Variants in SNTG1 observed in about 807,000 individuals in gnomAD.
SNTG1 encodes the protein syntrophin gamma 1.
SNTG1 carries 39 observed loss-of-function variants against 74.7 expected under a neutral mutation model. The ratio of observed to expected loss-of-function variants is 0.52; its 90% confidence interval spans 0.40 to 0.68. SNTG1 has a LOEUF of 0.68. Ranked by LOEUF, SNTG1 falls within the 30% of genes least tolerant of loss-of-function variation. SNTG1 has a pLI of 0.00. For synonymous variants in SNTG1, 254 were observed against 217.1 expected, an observed-to-expected ratio of 1.17 and a Z score of -1.49; for missense variants, 685 against 609.5, an observed-to-expected ratio of 1.12 and a Z score of -1.30.
chr8:49,986,623 A>G (rs1813178037), intron 1 of SNTG1, among the ~76,000 whole-genome samples: 1 of 151,896 alleles, frequency 6.6e-6, no homozygotes, highest in South Asian at 2.1e-4. Flanking sequence ...CTGTAATCCC[A>G]GCACTTTTGG....
At chr8:50,602,372 G>T (rs1199238608) in intron 13 of SNTG1, among the ~76,000 whole-genome samples, 1 of 152,110 alleles carries the variant, frequency 6.6e-6, no homozygotes, top group South Asian at 2.1e-4. Flanking sequence ...AAAAATTGTT[G>T]CATAAACCAA....
intron 13 of SNTG1, among the ~76,000 whole-genome samples, chr8:50,650,520 C>A (rs1464886779): frequency 6.6e-6 from 1 of 151,954 alleles, no homozygotes; most frequent in Non-Finnish European, 1.5e-5. Flanking sequence ...GAATTTAGAT[C>A]ATTTTTAAAA....
At chr8:50,396,562 A>G (rs1440763183) in intron 3 of SNTG1, among the ~76,000 whole-genome samples, 1 of 152,234 alleles carries the variant, frequency 6.6e-6, no homozygotes, top group Non-Finnish European at 1.5e-5. Context: ...ACAGTATAAG[A>G]CAAAACAAAT....
At chr8:50,330,397 G>C (rs979586614) in intron 2 of SNTG1, among the ~76,000 whole-genome samples, 1 of 152,056 alleles carries the variant, frequency 6.6e-6, no homozygotes, top group Non-Finnish European at 1.5e-5. Flanking sequence ...TTTATTTGCA[G>C]CATGAGAACA....
chr8:50,091,120 T>C (rs2079719032), intron 1 of SNTG1, among the ~76,000 whole-genome samples: 1 of 152,086 alleles, frequency 6.6e-6, no homozygotes, highest in African/African-American at 2.4e-5. Flanking sequence ...AAATATATTT[T>C]TTCTTAATTT....
At chr8:50,297,862 T>C (rs1587003669) in intron 2 of SNTG1, among the ~76,000 whole-genome samples, 1 of 150,620 alleles carries the variant, frequency 6.6e-6, no homozygotes, top group East Asian at 1.9e-4. Context: ...AGGAGGAAGA[T>C]TTGGTTGAAA....
chr8:50,131,368 A>G (rs1389502377), intron 1 of SNTG1, among the ~76,000 whole-genome samples: 1 of 152,166 alleles, frequency 6.6e-6, no homozygotes, highest in Non-Finnish European at 1.5e-5. Context: ...CAAGGTGTAC[A>G]ACATTAAGTT....
intron 4 of SNTG1, among the ~76,000 whole-genome samples, chr8:50,420,075 T>A (rs965908228): frequency 6.6e-6 from 1 of 151,422 alleles, no homozygotes; most frequent in Non-Finnish European, 1.5e-5. Context: ...TTGAGCAGAG[T>A]CCCCTGAGAA....
At chr8:50,148,534 T>G (rs1273660218) in intron 1 of SNTG1, among the ~76,000 whole-genome samples, 1 of 152,114 alleles carries the variant, frequency 6.6e-6, no homozygotes, top group Non-Finnish European at 1.5e-5. Context: ...ATTACATATA[T>G]CTCCTAATGA....
At chr8:50,690,420 T>C (rs1278833131) in intron 15 of SNTG1, among the ~76,000 whole-genome samples, 1 of 152,152 alleles carries the variant, frequency 6.6e-6, no homozygotes, top group African/African-American at 2.4e-5. Flanking sequence ...CTGGTTTGAA[T>C]GTGTCCCAGA....
At chr8:50,600,689 T>C (rs2094766413) in intron 13 of SNTG1, among the ~76,000 whole-genome samples, 1 of 152,142 alleles carries the variant, frequency 6.6e-6, no homozygotes, top group Non-Finnish European at 1.5e-5. Flanking sequence ...TCTTTTTTTC[T>C]TAGTTTTGGT....
At chr8:50,526,540 G>T (rs1339200766) in intron 9 of SNTG1, among the ~76,000 whole-genome samples, 1 of 152,000 alleles carries the variant, frequency 6.6e-6, no homozygotes, top group Non-Finnish European at 1.5e-5. Context: ...TGTGTCTATG[G>T]GAAGCAAGGT....
chr8:50,637,530 G>A (rs1351458659), intron 13 of SNTG1, among the ~76,000 whole-genome samples: 1 of 151,902 alleles, frequency 6.6e-6, no homozygotes, highest in Non-Finnish European at 1.5e-5. Context: ...CATGAATTTT[G>A]GAAACAGGCT....
chr8:50,517,208 G>A lies in SNTG1; in HGVS notation c.467-12969G>A, dbSNP rs1015756145. 3.9e-5 allele frequency among the ~76,000 whole-genome samples: 6 copies of A among 152,104 alleles called. No individual in the cohort carries two copies. In the East Asian group the frequency reaches 5.8e-4, roughly 15 times the overall value. On this transcript the variant is annotated intron_variant, in intron 9 of 18. Coordinates refer to ENST00000642720, the MANE Select transcript of SNTG1 (RefSeq NM_018967.5). The stretch of plus-strand genomic sequence containing the variant: ...TCCAGCCAAACTAAGCTCCATAAGC[G>A]AAGGAAAACTAAAATTCTTTACAGA...
intron 2 of SNTG1, among the ~76,000 whole-genome samples, chr8:50,185,445 T>C (rs1689046276): frequency 1.3e-5 from 2 of 152,206 alleles, no homozygotes; most frequent in African/African-American, 2.4e-5. Flanking sequence ...TGGACTAATA[T>C]ACATGTTGTG....
At chr8:50,568,944 C>T (rs2094531512) in intron 12 of SNTG1, 1 of 152,158 alleles carries the variant, frequency 6.6e-6, no homozygotes, top group Non-Finnish European at 1.5e-5. Flanking sequence ...CAGCTACAAA[C>T]ATCACTTCAG....
At chr8:49,960,794 C>T (rs1449847690) in intron 1 of SNTG1, among the ~76,000 whole-genome samples, 1 of 152,082 alleles carries the variant, frequency 6.6e-6, no homozygotes, top group Non-Finnish European at 1.5e-5. Context: ...TCTGTATTTA[C>T]CTCAGATAGA....
intron 18 of SNTG1, among the ~76,000 whole-genome samples, chr8:50,761,158 A>G (rs2095597620): frequency 6.6e-6 from 1 of 152,010 alleles, no homozygotes; most frequent in Non-Finnish European, 1.5e-5. Context: ...GCAGCCCATC[A>G]AAAAGCTTAT....
At chr8:50,025,044 G>A (rs1318108371) in intron 1 of SNTG1, among the ~76,000 whole-genome samples, 1 of 152,098 alleles carries the variant, frequency 6.6e-6, no homozygotes, top group Non-Finnish European at 1.5e-5. Flanking sequence ...GATAAGGGCA[G>A]GCAAGGGGCT....
Sources: gnomAD v4.1 joint callset for allele counts (sites outside exome capture counted in the v4.1 genomes callset) on GRCh38, gnomAD v4.1.1 for gene constraint, MANE v1.5 for transcripts, NCBI Gene and HGNC (gene_info 2026-07-23, HGNC 2026-07-21) for gene names.